The following SLC5A4 variants were observed in gnomAD, a reference collection of about 807,000 sequenced individuals.
SLC5A4 encodes the protein probable glucose sensor protein SLC5A4.
Under a neutral mutation model 70.3 loss-of-function variants are expected in SLC5A4, and 55 were observed. That is an observed-to-expected ratio of 0.78 (90% CI 0.63 to 0.98). The LOEUF is 0.98. Ranked by LOEUF, SLC5A4 falls within the 50% of genes least tolerant of loss-of-function variation. The pLI, the probability that SLC5A4 is intolerant of heterozygous loss-of-function variation, is 0.00. For synonymous variants in SLC5A4, 268 were observed against 305.7 expected, an observed-to-expected ratio of 0.88 and a Z score of 1.29; for missense variants, 735 against 839.2, an observed-to-expected ratio of 0.88 and a Z score of 1.53.
At chr22:32,285,021 G>A in the SLC5A4 span, 1 of 152,164 alleles carries the variant, frequency 6.6e-6, no homozygotes, top group Admixed American at 6.5e-5. Context: ...AGCATTTTGT[G>A]AGAATCAGTT....
the SLC5A4 span, chr22:32,273,415 T>C: frequency 6.0e-6 from 1 of 165,952 alleles, no homozygotes; most frequent in African/African-American, 2.4e-5. Context: ...ACCTACAGGC[T>C]GGAGTGTAAA....
chr22:32,275,371 C>T, the SLC5A4 span, among the ~76,000 whole-genome samples: 1 of 152,180 alleles, frequency 6.6e-6, no homozygotes, highest in African/African-American at 2.4e-5. Context: ...CTATCCCTCC[C>T]CTCACCCCAT....
intron 2 of SLC5A4, among the ~76,000 whole-genome samples, chr22:32,252,655 A>G (rs1165819487): frequency 2.0e-5 from 3 of 152,156 alleles, no homozygotes; most frequent in African/African-American, 7.2e-5. Flanking sequence ...GCATTGGTCA[A>G]TCTACTAAAA....
At chr22:32,251,905 A>C (rs1236002849) in intron 2 of SLC5A4, 31 bp from the exon 3 acceptor site, 3 of 1,504,818 alleles carry the variant, frequency 2.0e-6, no homozygotes, top group Non-Finnish European at 2.8e-6. Flanking sequence ...CTAGGGTTGG[A>C]GTTAAAAGAT....
At chr22:32,288,771 C>T in the SLC5A4 span, among the ~76,000 whole-genome samples, 1 of 152,162 alleles carries the variant, frequency 6.6e-6, no homozygotes. Context: ...GTCTCGAACT[C>T]ATGACCTCAG....
At chr22:32,249,621 G>T (rs1387397415) in intron 3 of SLC5A4, among the ~76,000 whole-genome samples, 1 of 152,220 alleles carries the variant, frequency 6.6e-6, no homozygotes, top group Non-Finnish European at 1.5e-5. Context: ...GTCACTTTCT[G>T]AGTTCAACCA....
In SLC5A4 at chr22:32,254,255, G is replaced by C. The variant is rs1342444901; in HGVS notation, c.136-42C>G. 4 of 1,485,534 alleles carry C rather than the reference G, an allele frequency of 2.7e-6. No individual in the cohort carries two copies. The South Asian group carries it at 4.5e-5, about 17-fold the overall frequency. The allele number at this position is 1,485,534 out of a possible 1,614,324, so 92.0% of individuals were successfully genotyped here. ...ACAGGTGAGGGTCAAGCCCCAGCAA[G>C]TGCACCCAGACACCCCAGAGGCTCT... On this transcript the variant is annotated intron_variant, in intron 1 of 14. Transcript: ENST00000266086.
chr22:32,329,307 G>C, the SLC5A4 span, among the ~76,000 whole-genome samples: 1 of 152,184 alleles, frequency 6.6e-6, no homozygotes, highest in African/African-American at 2.4e-5. Flanking sequence ...GCTACATGGA[G>C]ATTTCTGTGA....
intron 13 of SLC5A4, among the ~76,000 whole-genome samples, chr22:32,223,752 T>C (rs1015184766): frequency 6.6e-6 from 1 of 152,182 alleles, no homozygotes; most frequent in African/African-American, 2.4e-5. Flanking sequence ...CAAAATATAA[T>C]GTCCATTTTC....
chr22:32,330,714 G>C, the SLC5A4 span, among the ~76,000 whole-genome samples: 1 of 53,428 alleles, frequency 1.9e-5, no homozygotes, highest in East Asian at 6.4e-4. Context: ...TGTGTATTGG[G>C]GGCTCTGGTG....
At chr22:32,336,332 T>C in the SLC5A4 span, among the ~76,000 whole-genome samples, 7 of 152,232 alleles carry the variant, frequency 4.6e-5, no homozygotes, top group African/African-American at 1.7e-4. Context: ...CAGATTCACC[T>C]GGGCCTTTGT....
At chr22:32,275,369 C>T in the SLC5A4 span, among the ~76,000 whole-genome samples, 1 of 152,266 alleles carries the variant, frequency 6.6e-6, no homozygotes, top group South Asian at 2.1e-4. Context: ...TGCTATCCCT[C>T]CCCTCACCCC....
rs1208380623 is a variant in SLC5A4, at chr22:32,229,344, C to A, written c.1130G>T (p.Gly377Val). 2 of 1,613,890 alleles carry A rather than the reference C, an allele frequency of 1.2e-6. No homozygotes were observed. Among genetic ancestry groups the A allele is most frequent in the African/African-American group, 2.7e-5 (2 of 74,918 alleles). ...PTMVLELMPQ[G>V]LRGLMLSVML... ...GACCGAAAGCATCAGGCCTCGCAGT[C>A]CTGGAGCCGGGAAAGGGTACAAGCA... The change falls in exon 11 of 15, where the codon GGA becomes GTA. Residue 377 changes from glycine (G) to valine (V), a missense_variant and splice_region_variant. Physicochemically the swap from Gly to Val is moderately radical, Grantham distance 109 (BLOSUM62 -3). Coordinates refer to ENST00000266086, the MANE Select transcript of SLC5A4 (RefSeq NM_014227.3).
chr22:32,271,892 A>AAG, the SLC5A4 span: 12 of 587,184 alleles, frequency 2.0e-5, no homozygotes, highest in African/African-American at 2.2e-4. Context: ...TGTGGAGTCC[A>AAG]AGATGTACGC....
the SLC5A4 span, among the ~76,000 whole-genome samples, chr22:32,260,659 A>G: frequency 1.3e-5 from 2 of 152,100 alleles, no homozygotes; most frequent in Non-Finnish European, 2.9e-5. Context: ...ACCTTGCCCT[A>G]ACAGTGCACT....
At chr22:32,341,754 A>C in the SLC5A4 span, among the ~76,000 whole-genome samples, 1 of 152,162 alleles carries the variant, frequency 6.6e-6, no homozygotes, top group Non-Finnish European at 1.5e-5. Context: ...TTCTTCTGCT[A>C]ATGCACTCTG....
chr22:32,272,162 C>T, the SLC5A4 span: 668 of 714,812 alleles, frequency 9.3e-4, 1 homozygote, highest in African/African-American at 9.9e-3. Context: ...TACGCGTGGC[C>T]GCCGGGACCT....
chr22:32,286,426 C>A, the SLC5A4 span, among the ~76,000 whole-genome samples: 1 of 152,156 alleles, frequency 6.6e-6, no homozygotes, highest in African/African-American at 2.4e-5. Context: ...ATTGTGGAGA[C>A]ACAAGATGAA....
the SLC5A4 span, among the ~76,000 whole-genome samples, chr22:32,283,432 T>C: frequency 2.6e-5 from 4 of 152,252 alleles, no homozygotes; most frequent in African/African-American, 7.2e-5. Context: ...CACTTTAAAG[T>C]TGAATTTGCA....
Sources: allele counts gnomAD v4.1 joint callset (sites outside exome capture counted in the v4.1 genomes callset), GRCh38; gene constraint gnomAD v4.1.1; transcripts MANE v1.5; gene names NCBI Gene and HGNC (gene_info 2026-07-23, HGNC 2026-07-21).